Variants in PAPSS2 observed in about 807,000 individuals in gnomAD.
The protein encoded by PAPSS2 is bifunctional 3'-phosphoadenosine 5'-phosphosulfate synthase 2.
In PAPSS2, 61 loss-of-function variants were observed where a neutral mutation model predicts 66.5. The ratio of observed to expected loss-of-function variants is 0.92; its 90% CI spans 0.75 to 1.14. The LOEUF (loss-of-function observed/expected upper bound fraction) is 1.14. Among genes scored for constraint, PAPSS2 ranks in the 50% most tolerant of loss-of-function variants. The pLI is 0.00. For synonymous variants in PAPSS2, 289 were observed against 287.5 expected, an observed-to-expected ratio of 1.01 and a Z score of -0.05; for missense variants, 708 against 789.6, an observed-to-expected ratio of 0.90 and a Z score of 1.24.
intron 9 of PAPSS2, among the ~76,000 whole-genome samples, chr10:87,738,470 G>A (rs1321524375): frequency 3.3e-5 from 5 of 151,900 alleles, no homozygotes; most frequent in South Asian, 4.1e-4. Context: ...GTGCAGTGAC[G>A]CAATCATGGC....
intron 1 of PAPSS2, among the ~76,000 whole-genome samples, chr10:87,673,538 T>G (rs1166242168): frequency 6.6e-6 from 1 of 150,972 alleles, no homozygotes; most frequent in Non-Finnish European, 1.5e-5. Flanking sequence ...AAGGGTTATA[T>G]TTTTCTTAGC....
chr10:87,724,258 T>TA (rs1853630629), intron 8 of PAPSS2, among the ~76,000 whole-genome samples: 1 of 150,842 alleles, frequency 6.6e-6, no homozygotes, highest in Non-Finnish European at 1.5e-5. Context: ...AAAATAGTCT[T>TA]ACTAAAAAAA....
chr10:87,669,306 T>G (rs1852848926), intron 1 of PAPSS2, among the ~76,000 whole-genome samples: 1 of 152,234 alleles, frequency 6.6e-6, no homozygotes. Flanking sequence ...GTTTTACCTC[T>G]AAATCTATCC....
At chr10:87,727,223 A>G (rs1853669566) in intron 8 of PAPSS2, 61 bp from the exon 9 acceptor site, 2 of 1,403,842 alleles carry the variant, frequency 1.4e-6, no homozygotes, top group East Asian at 2.3e-5. Flanking sequence ...CATTTGATTC[A>G]TGCTTCAAGG....
chr10:87,720,782 G>C (rs990346372), intron 7 of PAPSS2, among the ~76,000 whole-genome samples: 2 of 152,082 alleles, frequency 1.3e-5, no homozygotes, highest in African/African-American at 4.8e-5. Context: ...TCACTTGTTA[G>C]AGTATATGAT....
chr10:87,706,108 A>ATATGTGTGTGTGTGTGTGTG, intron 1 of PAPSS2, among the ~76,000 whole-genome samples: 4 of 52,010 alleles, frequency 7.7e-5, no homozygotes, highest in African/African-American at 3.0e-4. Flanking sequence ...ATATATATAT[A>ATATGTGTGTGTGTGTGTGTG]TGTGTGTGTG....
intron 1 of PAPSS2, among the ~76,000 whole-genome samples, chr10:87,683,247 C>G (rs1853046687): frequency 6.6e-6 from 1 of 151,994 alleles, no homozygotes; most frequent in African/African-American, 2.4e-5. Flanking sequence ...TGTGCACCAC[C>G]TCACCCAGTG....
intron 2 of PAPSS2, among the ~76,000 whole-genome samples, chr10:87,710,757 T>C (rs1853453748): frequency 6.6e-6 from 1 of 152,132 alleles, no homozygotes; most frequent in Non-Finnish European, 1.5e-5. Context: ...TCCCAGCACT[T>C]TGGGAGGCCA....
intron 7 of PAPSS2, among the ~76,000 whole-genome samples, chr10:87,718,464 G>T (rs1853558396): frequency 6.6e-6 from 1 of 152,144 alleles, no homozygotes; most frequent in Non-Finnish European, 1.5e-5. Flanking sequence ...TATGAATGAG[G>T]TTACCTTCCC....
At chr10:87,744,168 G>A (rs1431961839) in intron 11 of PAPSS2, among the ~76,000 whole-genome samples, 1 of 152,186 alleles carries the variant, frequency 6.6e-6, no homozygotes, top group Non-Finnish European at 1.5e-5. Context: ...TGAGAATATG[G>A]AAGTTGGCAA....
intron 1 of PAPSS2, among the ~76,000 whole-genome samples, chr10:87,661,871 C>G (rs76479505): frequency 6.6e-6 from 1 of 152,114 alleles, no homozygotes; most frequent in Non-Finnish European, 1.5e-5. Context: ...TTTAGTCTAA[C>G]GCAGTTATAA....
intron 2 of PAPSS2, among the ~76,000 whole-genome samples, chr10:87,711,836 A>G (rs1270322522): frequency 6.6e-6 from 1 of 150,672 alleles, no homozygotes; most frequent in Non-Finnish European, 1.5e-5. Flanking sequence ...CTCTGTATGA[A>G]CCTCTTGGCT....
intron 10 of PAPSS2, among the ~76,000 whole-genome samples, 173 bp downstream of exon 10, chr10:87,741,543 C>T (rs529014747): frequency 6.6e-6 from 1 of 151,806 alleles, no homozygotes; most frequent in African/African-American, 2.4e-5. Flanking sequence ...TACAGGTGCC[C>T]ACCACTACGC....
intron 8 of PAPSS2, among the ~76,000 whole-genome samples, chr10:87,725,882 T>TACACACACACACACACAC (rs1324153679): frequency 1.7e-5 from 1 of 58,442 alleles, no homozygotes; most frequent in Non-Finnish European, 3.0e-5. Flanking sequence ...AATATGTGTG[T>TACACACACACACACACAC]ATACACACAC....
chr10:87,678,710 A>G (rs554137779), intron 1 of PAPSS2, among the ~76,000 whole-genome samples: 1 of 152,300 alleles, frequency 6.6e-6, no homozygotes, highest in South Asian at 2.1e-4. Context: ...TGTCAGGAAA[A>G]TTCAAATCAA....
chr10:87,687,886 T>G (rs1589424623), intron 1 of PAPSS2, among the ~76,000 whole-genome samples: 2 of 152,332 alleles, frequency 1.3e-5, no homozygotes, highest in Admixed American at 6.5e-5. Flanking sequence ...AAGTGGAAAT[T>G]AAACCATAGT....
At chr10:87,688,871 A>G (rs1853126201) in intron 1 of PAPSS2, among the ~76,000 whole-genome samples, 1 of 152,110 alleles carries the variant, frequency 6.6e-6, no homozygotes, top group Non-Finnish European at 1.5e-5. Flanking sequence ...AGTGATACTC[A>G]CATTCAGTTC....
chr10:87,745,274 A>C (rs1853923870), intron 12 of PAPSS2, 43 bp downstream of exon 12: 2 of 1,487,292 alleles, frequency 1.3e-6, no homozygotes, highest in African/African-American at 2.8e-5. Flanking sequence ...ATCTGTATAA[A>C]AGAAATGATG....
chr10:87,720,548 A>G (rs1340790428), intron 7 of PAPSS2, among the ~76,000 whole-genome samples: 1 of 152,250 alleles, frequency 6.6e-6, no homozygotes, highest in Non-Finnish European at 1.5e-5. Context: ...TGATCTCCAC[A>G]GCCACAGACA....
Sources: allele counts gnomAD v4.1 joint callset (sites outside exome capture counted in the v4.1 genomes callset), GRCh38; gene constraint gnomAD v4.1.1; transcripts MANE v1.5; gene names NCBI Gene and HGNC (gene_info 2026-07-23, HGNC 2026-07-21).